Variants in COBL observed in about 807,000 individuals in gnomAD.
The protein encoded by COBL is cordon-bleu WH2 repeat protein, also known as protein cordon-bleu.
In COBL, 51 loss-of-function variants were observed where a neutral mutation model predicts 98.8. The observed-to-expected ratio is 0.52, with a 90% CI of 0.41 to 0.65. COBL has a LOEUF of 0.65. Among genes scored for constraint, COBL ranks in the 30% least tolerant of loss-of-function variants. COBL has a pLI of 0.00. For synonymous variants in COBL, 634 were observed against 651.7 expected (o/e 0.97, Z 0.41); for missense variants, 1,617 against 1,617.5 (o/e 1.00, Z 0.01).
intron 6 of COBL, among the ~76,000 whole-genome samples, chr7:51,121,828 T>C (rs1029965007): frequency 1.3e-5 from 2 of 152,176 alleles, no homozygotes; most frequent in African/African-American, 4.8e-5. Flanking sequence ...AGTTGCAAAA[T>C]GTAAAGGTGA....
chr7:51,091,711 A>C (rs1022054481), intron 6 of COBL, among the ~76,000 whole-genome samples: 1 of 152,244 alleles, frequency 6.6e-6, no homozygotes, highest in Non-Finnish European at 1.5e-5. Flanking sequence ...AAAGAGGACC[A>C]TACCACAATT....
chr7:51,126,983 C>T (rs1373206812), intron 6 of COBL, among the ~76,000 whole-genome samples: 1 of 152,132 alleles, frequency 6.6e-6, no homozygotes, highest in Non-Finnish European at 1.5e-5. Context: ...TGAGGGTCCA[C>T]CACACACCAG....
Position 51,164,852 on chromosome 7 carries a change from G to A in COBL, c.783+19250C>T, listed in dbSNP as rs192263512. Among the ~76,000 whole-genome samples the A allele has an allele frequency of 3.3e-5, 5 of 151,966 alleles. No homozygotes were observed. The East Asian group carries it at 7.7e-4, about 23-fold the overall frequency. On this transcript the variant is annotated intron_variant, in intron 5 of 12. Coordinates refer to ENST00000265136, the MANE Select transcript of COBL (RefSeq NM_015198.5). ...ACAATAAGATATAAATAGAAACAAC[G>A]AAAAGTAAAAAAGTGGGGAGATGAA...
intron 6 of COBL, among the ~76,000 whole-genome samples, chr7:51,126,011 G>A (rs1195563170): frequency 6.6e-6 from 1 of 152,168 alleles, no homozygotes; most frequent in Non-Finnish European, 1.5e-5. Flanking sequence ...TCCTCTGAAT[G>A]CCTTTTAGTT....
At chr7:51,221,649 T>C (rs1260432344) in intron 1 of COBL, among the ~76,000 whole-genome samples, 3 of 152,352 alleles carry the variant, frequency 2.0e-5, no homozygotes, top group Admixed American at 1.3e-4. Context: ...ATGGATCATA[T>C]AGCAGTTTAG....
chr7:51,143,659 A>G (rs1308699908), intron 5 of COBL, among the ~76,000 whole-genome samples: 3 of 152,236 alleles, frequency 2.0e-5, no homozygotes, highest in African/African-American at 7.2e-5. Flanking sequence ...AAAACAAAAA[A>G]GGGAACAATT....
At chr7:51,235,276 G>A (rs992974276) in intron 1 of COBL, among the ~76,000 whole-genome samples, 5 of 152,096 alleles carry the variant, frequency 3.3e-5, no homozygotes, top group African/African-American at 7.2e-5. Flanking sequence ...TTTGGAGGAC[G>A]GGCGATTCCT....
intron 1 of COBL, among the ~76,000 whole-genome samples, chr7:51,269,349 C>T (rs1298890277): frequency 6.6e-6 from 1 of 152,188 alleles, no homozygotes; most frequent in East Asian, 1.9e-4. Flanking sequence ...CAGTGGGGTC[C>T]TAAGTCACAT....
chr7:51,169,410 T>G (rs1449168941), intron 5 of COBL, among the ~76,000 whole-genome samples: 1 of 152,204 alleles, frequency 6.6e-6, no homozygotes, highest in Non-Finnish European at 1.5e-5. Flanking sequence ...CCTGAGGCTG[T>G]GTCATGAGTG....
chr7:51,083,119 C>T (rs941588445), intron 7 of COBL: 3 of 1,530,694 alleles, frequency 2.0e-6, no homozygotes, highest in African/African-American at 1.4e-5. Context: ...TGAGAGGCTC[C>T]ACCACGTCTG....
At chr7:51,119,024 T>C (rs931108441) in intron 6 of COBL, among the ~76,000 whole-genome samples, 14 of 152,226 alleles carry the variant, frequency 9.2e-5, no homozygotes, top group African/African-American at 3.4e-4. Context: ...TCTTATTTTC[T>C]AATATACAAT....
In COBL at chr7:51,057,005, G is replaced by A. The variant is rs6980257; in HGVS notation, c.1097-13313C>T. ...CCTTCTGAGTAGCCTGGTGAAATCT[G>A]CCATCCTGTCCTGTCCCACCATGAA... On this transcript the variant is annotated intron_variant, in intron 7 of 12. Coordinates refer to ENST00000265136, the MANE Select transcript of COBL (RefSeq NM_015198.5). 3.3e-3 allele frequency among the ~76,000 whole-genome samples: 510 copies of A among 152,258 alleles called. 2 individuals carry two copies. Among genetic ancestry groups the A allele is most frequent in the African/African-American group, 0.011 (444 of 41,536 alleles).
chr7:51,028,866 C>T lies in COBL; in HGVS notation c.2230G>A (p.Ala744Thr), dbSNP rs753468538. The change falls in exon 10 of 13, where the codon GCC becomes ACC. Residue 744 changes from alanine (A) to threonine (T), a missense_variant. Ala to Thr is a moderately conservative substitution (Grantham distance 58). Transcript: ENST00000265136. The part of the protein sequence containing the change: ...DELGNLVSPH[A>T]TGIRIISLSS... ...AGGGAAATGATCCTGATGCCGGTGG[C>T]GTGAGGACTCACCAAGTTCCCCAGC... 8.6e-5 allele frequency: 139 copies of T among 1,614,052 alleles called. No individual in the cohort carries two copies. The highest frequency in any genetic ancestry group is 1.3e-4 in the Admixed American group (8 of 60,004).
At chr7:51,210,580 C>A (rs1792317616) in intron 2 of COBL, among the ~76,000 whole-genome samples, 1 of 152,182 alleles carries the variant, frequency 6.6e-6, no homozygotes, top group Admixed American at 6.5e-5. Flanking sequence ...TAAGGAAGAC[C>A]TGACTTGGTG....
chr7:51,309,078 T>A (rs997674584), intron 1 of COBL, among the ~76,000 whole-genome samples: 4 of 152,144 alleles, frequency 2.6e-5, no homozygotes, highest in African/African-American at 9.7e-5. Context: ...CACATACCCA[T>A]CTGCACACTT....
At chr7:51,030,394 C>A (rs1002717109) in intron 9 of COBL, among the ~76,000 whole-genome samples, 1 of 152,298 alleles carries the variant, frequency 6.6e-6, no homozygotes, top group African/African-American at 2.4e-5. Context: ...CCATGAGATG[C>A]TCCATTATAA....
At chr7:51,288,232 G>A (rs1384659296) in intron 1 of COBL, among the ~76,000 whole-genome samples, 1 of 151,712 alleles carries the variant, frequency 6.6e-6, no homozygotes, top group Non-Finnish European at 1.5e-5. Flanking sequence ...TCAGGAGTTC[G>A]AGATCAGCCT....
At chr7:51,266,454 T>C (rs1798210219) in intron 1 of COBL, among the ~76,000 whole-genome samples, 1 of 152,154 alleles carries the variant, frequency 6.6e-6, no homozygotes, top group Non-Finnish European at 1.5e-5. Context: ...GGCGCATTCC[T>C]GTAATCCCAG....
chr7:51,055,384 C>T (rs576442782), intron 7 of COBL, among the ~76,000 whole-genome samples: 3 of 152,322 alleles, frequency 2.0e-5, no homozygotes, highest in African/African-American at 7.2e-5. Flanking sequence ...TCTCTAAGGA[C>T]TTAGTGAAGA....
Sources: gnomAD v4.1 joint callset for allele counts (sites outside exome capture counted in the v4.1 genomes callset) on GRCh38, gnomAD v4.1.1 for gene constraint, MANE v1.5 for transcripts, NCBI Gene and HGNC (gene_info 2026-07-23, HGNC 2026-07-21) for gene names.